The following PPP1CB variants were observed in gnomAD, a reference collection of about 807,000 sequenced individuals.
PPP1CB encodes the protein protein phosphatase 1 catalytic subunit beta, also known as serine/threonine-protein phosphatase PP1-beta catalytic subunit.
A neutral mutation model predicts 43.7 loss-of-function variants in PPP1CB; 2 were observed. The observed-to-expected ratio is 0.05, with a 90% CI of 0.02 to 0.14. The LOEUF (loss-of-function observed/expected upper bound fraction) is 0.14, where lower values mean the gene tolerates loss of function less well. Ranked by LOEUF, PPP1CB falls within the 10% of genes least tolerant of loss-of-function variation. PPP1CB has a pLI of 1.00. For missense variants in PPP1CB, 84 were observed against 398.0 expected (o/e 0.21, Z 6.71); for synonymous variants, 136 against 135.6 (o/e 1.00, Z -0.02).
chr2:28,773,435 T>C (rs182885669), intron 1 of PPP1CB, among the ~76,000 whole-genome samples: 55 of 152,370 alleles, frequency 3.6e-4, no homozygotes, highest in Non-Finnish European at 7.1e-4. Flanking sequence ...ATGCGAGTTA[T>C]TGAATCTCTG....
intron 6 of PPP1CB, among the ~76,000 whole-genome samples, chr2:28,791,519 G>T (rs1010804953): frequency 7.2e-5 from 11 of 151,898 alleles, no homozygotes; most frequent in African/African-American, 2.7e-4. Flanking sequence ...TAGTAGAGAC[G>T]GGGTTTCACT....
intron 2 of PPP1CB, chr2:28,778,551 T>G: frequency 2.0e-6 from 1 of 503,538 alleles, no homozygotes; most frequent in Non-Finnish European, 3.8e-6. Flanking sequence ...GTGGGATGCT[T>G]CATTAGACAG....
chr2:28,765,360 T>C (rs1666758661), intron 1 of PPP1CB, among the ~76,000 whole-genome samples: 1 of 152,220 alleles, frequency 6.6e-6, no homozygotes, highest in Admixed American at 6.5e-5. Flanking sequence ...TGCATATTCA[T>C]CACTTGGAAA....
chr2:28,788,928 G>T, intron 6 of PPP1CB, 119 bp downstream of exon 6: 1 of 1,026,770 alleles, frequency 9.7e-7, no homozygotes, highest in Non-Finnish European at 1.4e-6. Flanking sequence ...CGCAATCTCT[G>T]CTCACTGCAA....
chr2:28,797,631 A>G (rs1183577754), intron 7 of PPP1CB, among the ~76,000 whole-genome samples: 1 of 152,086 alleles, frequency 6.6e-6, no homozygotes, highest in African/African-American at 2.4e-5. Flanking sequence ...TTGTGTGCAC[A>G]GGTGTTTATA....
chr2:28,764,177 G>C (rs1666728345), intron 1 of PPP1CB, among the ~76,000 whole-genome samples: 2 of 151,852 alleles, frequency 1.3e-5, no homozygotes, highest in Non-Finnish European at 2.9e-5. Flanking sequence ...AAAAGCAAAG[G>C]GGGCTGGACG....
At chr2:28,793,176 G>A (rs1398658085) in intron 6 of PPP1CB, among the ~76,000 whole-genome samples, 1 of 152,142 alleles carries the variant, frequency 6.6e-6, no homozygotes, top group African/African-American at 2.4e-5. Flanking sequence ...CTGCACTCCA[G>A]CCTGGGTTGA....
chr2:28,771,055 C>CTTT (rs61477582), intron 1 of PPP1CB, among the ~76,000 whole-genome samples: 1 of 59,600 alleles, frequency 1.7e-5, no homozygotes, highest in Non-Finnish European at 3.2e-5. Context: ...CCCCCCCACC[C>CTTT]TTTTTTTTTT....
At chr2:28,770,381 AGGGG>A (rs113131889) in intron 1 of PPP1CB, among the ~76,000 whole-genome samples, 2 of 99,410 alleles carry the variant, frequency 2.0e-5, no homozygotes, top group South Asian at 3.7e-4. Context: ...AGTAAAAAAA[AGGGG>A]GGGGGGAGGG....
At chr2:28,792,312 C>T (rs1041466999) in intron 6 of PPP1CB, among the ~76,000 whole-genome samples, 1 of 151,652 alleles carries the variant, frequency 6.6e-6, no homozygotes, top group South Asian at 2.1e-4. Flanking sequence ...TGCACTCCAG[C>T]CTGGGCAACA....
chr2:28,763,578 A>T (rs1390810741), intron 1 of PPP1CB, among the ~76,000 whole-genome samples: 1 of 152,064 alleles, frequency 6.6e-6, no homozygotes, highest in South Asian at 2.1e-4. Flanking sequence ...CTTTTTACTT[A>T]TGCTTTGTGA....
rs1666286902 is a variant in PPP1CB at position 28,751,863 on chromosome 2, G to T, written c.-262G>T. 3 of 553,186 alleles carry T rather than the reference G, an allele frequency of 5.4e-6. No homozygotes were observed. The highest frequency in any genetic ancestry group is 9.8e-6 in the Non-Finnish European group (3 of 305,520). 34.3% of individuals were successfully genotyped at this position (553,186 alleles called of 1,614,324 possible). A position where few individuals can be genotyped will look rare whatever the true frequency, so the allele number is the denominator to read the frequency against. ...GGGCGGTGCCGAGGAGGAGGAGGTG[G>T]CGGCCTGGGTCTGACGCGGCCCTGT... On this transcript the variant is annotated 5_prime_UTR_variant, in exon 1 of 8. Coordinates refer to ENST00000395366, the MANE Select transcript of PPP1CB (RefSeq NM_002709.3).
At chr2:28,799,114 C>T in intron 7 of PPP1CB, 85 bp from the exon 8 acceptor site, 9 of 932,036 alleles carry the variant, frequency 9.7e-6, no homozygotes, top group East Asian at 5.3e-5. Flanking sequence ...CAGTTTATGC[C>T]ATTTATTGAA....
intron 5 of PPP1CB, among the ~76,000 whole-genome samples, chr2:28,787,745 C>G (rs1018614629): frequency 5.3e-5 from 8 of 152,216 alleles, no homozygotes; most frequent in Middle Eastern, 6.8e-3. Flanking sequence ...TTGATCATTC[C>G]TTCTCAATAC....
At chr2:28,793,809 G>T in intron 6 of PPP1CB, 54 bp from the exon 7 acceptor site, 3 of 1,601,658 alleles carry the variant, frequency 1.9e-6, no homozygotes, top group Non-Finnish European at 2.6e-6. Context: ...TAGTATAGAT[G>T]GTTCAGAATT....
chr2:28,779,910 A>G (rs981088888), intron 3 of PPP1CB, among the ~76,000 whole-genome samples: 3 of 152,146 alleles, frequency 2.0e-5, no homozygotes, highest in Admixed American at 6.5e-5. Context: ...CATGGAGCTT[A>G]CATTTTTTTT....
chr2:28,785,453 T>C (rs1263582098), intron 5 of PPP1CB, among the ~76,000 whole-genome samples: 1 of 152,088 alleles, frequency 6.6e-6, no homozygotes, highest in Non-Finnish European at 1.5e-5. Flanking sequence ...CAGTTTTTGA[T>C]TGTAATTATA....
chr2:28,785,646 A>G (rs1225549948), intron 5 of PPP1CB, among the ~76,000 whole-genome samples: 16 of 151,170 alleles, frequency 1.1e-4, no homozygotes, highest in Admixed American at 1.1e-3. Context: ...ATCTCTACAG[A>G]GAAAAAAAAA....
rs186197544 is a variant in PPP1CB, at chr2:28,776,212, G to A, written c.53-639G>A. Among the ~76,000 whole-genome samples the A allele has an allele frequency of 6.4e-4, 97 of 150,866 alleles. No homozygotes were observed. In the South Asian group the frequency reaches 0.013, roughly 20 times the overall value. ...CCAGACCTTAAAGGGTGCGGGCTCT[G>A]AAATGTTTTTTTGTGTGTGTTTTTT... On this transcript the variant is annotated intron_variant, in intron 1 of 7. Coordinates refer to ENST00000395366, the MANE Select transcript of PPP1CB (RefSeq NM_002709.3).
Sources: allele counts gnomAD v4.1 joint callset (sites outside exome capture counted in the v4.1 genomes callset), GRCh38; gene constraint gnomAD v4.1.1; transcripts MANE v1.5; gene names NCBI Gene and HGNC (gene_info 2026-07-23, HGNC 2026-07-21).